SGSH: variants seen among roughly 807,000 people sequenced by gnomAD.
SGSH encodes N-sulfoglucosamine sulfohydrolase.
Under a neutral mutation model 51.0 loss-of-function variants are expected in SGSH, and 48 were observed. The ratio of observed to expected loss-of-function variants is 0.94; its 90% CI spans 0.75 to 1.20. SGSH has a LOEUF of 1.20. Ranked by LOEUF, SGSH falls within the 50% of genes most tolerant of loss-of-function variation. The pLI is 0.00. For missense variants in SGSH, 662 were observed against 717.8 expected, an observed-to-expected ratio of 0.92 and a Z score of 0.89; for synonymous variants, 321 against 313.4, an observed-to-expected ratio of 1.02 and a Z score of -0.26.
chr17:80,214,088 G>C, intron 5 of SGSH, 84 bp downstream of exon 5: 2 of 1,507,306 alleles, frequency 1.3e-6, no homozygotes, highest in Non-Finnish European at 1.8e-6. Context: ...CATCATCTAG[G>C]GCCAGGGCTG....
At chr17:80,204,949 A>AAGC, downstream of SGSH, 1 of 1,210,694 alleles carries the variant, frequency 8.3e-7, no homozygotes, top group Non-Finnish European at 1.1e-6. Context: ...GCAGTGAGCA[A>AAGC]AGCAGACCCA....
At chr17:80,204,297 G>A (rs575328953), downstream of SGSH, 53 of 1,598,008 alleles carry the variant, frequency 3.3e-5, no homozygotes, top group African/African-American at 2.4e-4. Flanking sequence ...AGCCCTCTGC[G>A]TTTGTCCTTT....
Position 80,210,688 on chromosome 17 carries a change from T to C in SGSH, c.1273A>G (p.Lys425Glu), listed in dbSNP as rs763038283. The C allele has an allele frequency of 6.2e-7, 1 of 1,613,794 alleles. No homozygotes were observed. Among genetic ancestry groups the C allele is most frequent in the African/African-American group, 1.3e-5 (1 of 75,018 alleles). The change falls in exon 8 of 8, where the codon AAG becomes GAG. Residue 425 changes from lysine to glutamate, a missense_variant. Lys to Glu is a moderately conservative substitution (Grantham distance 56). Transcript: ENST00000326317. ...TTAGQPTGWY[K>E]DLRHYYYRAR... ...CGGTAGTAGTAATGACGGAGGTCCT[T>C]GTACCAGCCCGTGGGCTGACCAGCT...
At chr17:80,214,134 C>A in intron 5 of SGSH, 38 bp downstream of exon 5, 1 of 1,584,392 alleles carries the variant, frequency 6.3e-7, no homozygotes, top group Admixed American at 1.9e-5. Flanking sequence ...CGACCCAGGG[C>A]TGACGGGCGT....
downstream of SGSH, chr17:80,204,733 G>A (rs1007845282): frequency 4.0e-5 from 17 of 421,214 alleles, no homozygotes; most frequent in Non-Finnish European, 6.3e-5. Context: ...AGATCCTTTG[G>A]AAGGAAGAAA....
chr17:80,211,038 AG>A, intron 7 of SGSH, 27 bp from the exon 8 acceptor site: 1 of 1,597,950 alleles, frequency 6.3e-7, no homozygotes, highest in East Asian at 2.2e-5. Context: ...ATCTCAGAGC[AG>A]CAGAGCCCTC....
chr17:80,201,807 G>T, downstream of SGSH: 1 of 1,613,936 alleles, frequency 6.2e-7, no homozygotes, highest in Non-Finnish European at 8.5e-7. The surrounding 1 kb of genome is among the most constrained non-coding windows in gnomAD (Gnocchi z 5.0). Flanking sequence ...CCTGGAGGAG[G>T]CCGTGGGGCT....
intron 1 of SGSH, 25 bp from the exon 2 acceptor site, chr17:80,217,217 T>G (rs896797821): frequency 6.3e-7 from 1 of 1,589,632 alleles, no homozygotes; most frequent in Admixed American, 1.8e-5. Flanking sequence ...AGACAGAGAG[T>G]GCACGGTCGG....
chr17:80,211,082 C>G, intron 7 of SGSH, 71 bp from the exon 8 acceptor site: 4 of 1,580,956 alleles, frequency 2.5e-6, no homozygotes, highest in Non-Finnish European at 3.4e-6. Context: ...AAGGGCCGAA[C>G]CTACGCCACT....
chr17:80,202,189 G>A (rs904263432), downstream of SGSH: 10 of 1,613,636 alleles, frequency 6.2e-6, no homozygotes, highest in South Asian at 8.8e-5. Flanking sequence ...GGTTATAAGA[G>A]GCTACTCCAG....
downstream of SGSH, chr17:80,208,485 C>A: frequency 1.4e-6 from 1 of 725,736 alleles, no homozygotes; most frequent in Non-Finnish European, 2.2e-6. Context: ...TGGGGTCTAA[C>A]CTTGAACCCT....
Position 80,215,136 on chromosome 17 carries a change from A to C in SGSH, c.252T>G (p.His84Gln). The change falls in exon 3 of 8, where the codon CAT becomes CAG. Residue 84 changes from histidine to glutamine, a missense_variant and splice_region_variant. Transcript: ENST00000326317. Reference protein sequence around the residue: ...RASLLTGLPQHQNGMYGLHQD... With the variant: ...RASLLTGLPQQQNGMYGLHQD... ...GGTGCAGCCCGTACATCCCATTCTG[A>C]TGCTGCCAGCAAAGGCGCATGAGGT... The C allele has an allele frequency of 6.2e-7, 1 of 1,610,316 alleles. No individual in the cohort carries two copies. The highest frequency in any genetic ancestry group is 8.5e-7 in the Non-Finnish European group (1 of 1,179,516).
Position 80,210,568 on chromosome 17 carries a change from G to A in SGSH, c.1393C>T (p.Arg465Trp), listed in dbSNP as rs754273400. The change falls in exon 8 of 8, where the codon CGG becomes TGG. Residue 465 changes from arginine to tryptophan, a missense_variant. Physicochemically the swap from Arg to Trp is moderately radical, Grantham distance 101. Transcript: ENST00000326317. ...CACTGCCACTTGGCCAGCTGGTCCC[G>A]AAGCATCTCCAGAAGCTGAGCAAAG... ...PRFAQLLEML[R>W]DQLAKWQWET... is the part of the protein sequence containing the mutation. The A allele has an allele frequency of 2.0e-5, 33 of 1,612,896 alleles. No individual in the cohort carries two copies. Among genetic ancestry groups the A allele is most frequent in the Middle Eastern group, 1.6e-4 (1 of 6,084 alleles).
downstream of SGSH, chr17:80,208,088 G>A (rs1045798440): frequency 2.2e-6 from 3 of 1,390,682 alleles, no homozygotes; most frequent in Admixed American, 4.9e-5. Flanking sequence ...CAGGGCTCCT[G>A]GGCCCTTGCT....
At chr17:80,207,233 G>A (rs2041373519), downstream of SGSH, 1 of 593,526 alleles carries the variant, frequency 1.7e-6, no homozygotes, top group African/African-American at 1.9e-5. Flanking sequence ...TTGGGACAAG[G>A]GCCCCGCTGA....
rs1567924625 is a variant in SGSH, at chr17:80,215,084, CGAA to C, written c.301_303del (p.Phe101del). The C allele has an allele frequency of 1.2e-6, 2 of 1,612,386 alleles. No individual in the cohort carries two copies. The highest frequency in any genetic ancestry group is 1.7e-6 in the Non-Finnish European group (2 of 1,179,968). ...AGCAGCGGCAGGCTCCGCACCTTGTCGAAGGAGTTGAAGTGGTGCACGTCCTGG... is the reference window on the plus strand; with the variant it reads ...AGCAGCGGCAGGCTCCGCACCTTGTCGGAGTTGAAGTGGTGCACGTCCTGG... On this transcript the variant is annotated inframe_deletion, in exon 3 of 8. Transcript: ENST00000326317.
chr17:80,205,664 G>C, downstream of SGSH: 1 of 1,544,652 alleles, frequency 6.5e-7, no homozygotes, highest in Non-Finnish European at 8.7e-7. Context: ...TGAGGTCAAG[G>C]GCGGGGTGGG....
the SGSH span, chr17:80,201,365 C>G: frequency 5.6e-4 from 117 of 210,420 alleles, no homozygotes; most frequent in African/African-American, 2.7e-3. This position sits in a 1 kb window ranked among gnomAD's most constrained non-coding sequence, Gnocchi z 5.0. Context: ...CGGTATAGCC[C>G]GCAGCAGCAC....
downstream of SGSH, chr17:80,207,202 C>A: frequency 1.5e-6 from 1 of 660,072 alleles, no homozygotes; most frequent in Non-Finnish European, 2.5e-6. Flanking sequence ...GAGGCGCTGA[C>A]AGGGCCGTTT....
Sources: allele counts gnomAD v4.1 joint callset, GRCh38; gene constraint gnomAD v4.1.1; non-coding constraint Gnocchi (gnomAD v3.1); transcripts MANE v1.5; gene names NCBI Gene and HGNC (gene_info 2026-07-23, HGNC 2026-07-21).